The following DIP2B variants were observed in gnomAD, a reference collection of about 807,000 sequenced individuals.
DIP2B encodes the protein DIP2 acetate--CoA ligase B (putative).
In DIP2B, 76 loss-of-function variants were observed where a neutral mutation model predicts 198.0. The ratio of observed to expected loss-of-function variants is 0.38; its 90% confidence interval spans 0.32 to 0.46. The LOEUF is 0.46. Among genes scored for constraint, DIP2B ranks in the 20% least tolerant of loss-of-function variants. DIP2B has a pLI of 0.99. For synonymous variants in DIP2B, 701 were observed against 739.1 expected, an observed-to-expected ratio of 0.95 and a Z score of 0.84; for missense variants, 1,559 against 1,978.4, an observed-to-expected ratio of 0.79 and a Z score of 4.02.
intron 1 of DIP2B, among the ~76,000 whole-genome samples, chr12:50,609,635 G>C (rs1484450098): frequency 1.3e-5 from 2 of 152,190 alleles, no homozygotes; most frequent in Non-Finnish European, 2.9e-5. Flanking sequence ...TCTTTCTGTT[G>C]ATATCACATT....
At chr12:50,543,297 T>G (rs1376166974) in intron 1 of DIP2B, among the ~76,000 whole-genome samples, 1 of 151,898 alleles carries the variant, frequency 6.6e-6, no homozygotes, top group Non-Finnish European at 1.5e-5. Flanking sequence ...TTCCCCCTTT[T>G]TTATTTATTT....
chr12:50,654,667 A>C (rs1362992515), intron 3 of DIP2B, among the ~76,000 whole-genome samples: 1 of 152,178 alleles, frequency 6.6e-6, no homozygotes, highest in African/African-American at 2.4e-5. Context: ...ATATAAGGAA[A>C]ATTAAATAAA....
At chr12:50,727,618 T>A (rs776675266) in intron 28 of DIP2B, 85 bp from the exon 29 acceptor site, 4 of 1,194,786 alleles carry the variant, frequency 3.3e-6, no homozygotes, top group Non-Finnish European at 4.9e-6. Context: ...GAAGCTAAAT[T>A]TGGCCATAGC....
intron 4 of DIP2B, among the ~76,000 whole-genome samples, chr12:50,668,591 T>G (rs1009304799): frequency 2.0e-5 from 3 of 152,248 alleles, no homozygotes; most frequent in Non-Finnish European, 2.9e-5. Flanking sequence ...ATGAAAATAC[T>G]GGTTTTACTG....
chr12:50,519,407 A>AT (rs956855763), intron 1 of DIP2B, among the ~76,000 whole-genome samples: 1 of 151,862 alleles, frequency 6.6e-6, no homozygotes, highest in Non-Finnish European at 1.5e-5. Context: ...AGCCTCTTTT[A>AT]TTTTTTTTAA....
chr12:50,586,778 G>T (rs1958774965), intron 1 of DIP2B, among the ~76,000 whole-genome samples: 1 of 152,170 alleles, frequency 6.6e-6, no homozygotes, highest in South Asian at 2.1e-4. Context: ...TCACCATGTT[G>T]GCCAGGCTGG....
At chr12:50,703,349 G>C (rs1939456320) in intron 19 of DIP2B, among the ~76,000 whole-genome samples, 1 of 151,984 alleles carries the variant, frequency 6.6e-6, no homozygotes, top group Non-Finnish European at 1.5e-5. Flanking sequence ...GGAAGAACCA[G>C]ACATTCTAGT....
chr12:50,511,244 C>G (rs1400398408), intron 1 of DIP2B, among the ~76,000 whole-genome samples: 3 of 145,342 alleles, frequency 2.1e-5, no homozygotes, highest in Admixed American at 7.0e-5. Flanking sequence ...GTGCCAGGCT[C>G]AAGTACCACC....
At chr12:50,560,312 G>T (rs187692719) in intron 1 of DIP2B, among the ~76,000 whole-genome samples, 2 of 150,780 alleles carry the variant, frequency 1.3e-5, no homozygotes, top group South Asian at 2.1e-4. Context: ...GGAAAATGGC[G>T]TGAACCTGGG....
chr12:50,618,469 C>G lies in DIP2B; in HGVS notation c.101-7507C>G, dbSNP rs576375143. On this transcript the variant is annotated intron_variant, in intron 1 of 37. Transcript: ENST00000301180. ...GGGTTTGATAAACTGTGCATTCACC[C>G]TCAGTGTCTCTCTCTCCTGACGATC... Among the ~76,000 whole-genome samples, 18 of 152,350 alleles carry G rather than the reference C, an allele frequency of 1.2e-4. No individual in the cohort carries two copies. The South Asian group carries it at 3.7e-3, about 32-fold the overall frequency.
At chr12:50,717,135 G>A (rs1245109396) in intron 23 of DIP2B, among the ~76,000 whole-genome samples, 3 of 151,018 alleles carry the variant, frequency 2.0e-5, no homozygotes, top group African/African-American at 7.3e-5. Flanking sequence ...AGTAGAGATG[G>A]GGTTTTGCCA....
rs1939371343 is a variant in DIP2B, at chr12:50,699,142, CTCCAGAACTGGAGGCATGAT to C, written c.2266_2285del (p.Ser756ValfsTer13). The C allele has an allele frequency of 6.2e-7, 1 of 1,614,076 alleles. No individual in the cohort carries two copies. On this transcript the variant is annotated frameshift_variant, in exon 19 of 38. Coordinates refer to ENST00000301180, the MANE Select transcript of DIP2B (RefSeq NM_173602.3). LOFTEE classifies it high-confidence loss of function. ...ATGAAATTGGAGAAATCTGTGTTAGCTCCAGAACTGGAGGCATGATGTACTTTGGGCTTGCTGGTGTGACA... is the reference window on the plus strand; with the variant it reads ...ATGAAATTGGAGAAATCTGTGTTAGCGTACTTTGGGCTTGCTGGTGTGACA...
intron 4 of DIP2B, among the ~76,000 whole-genome samples, chr12:50,670,266 G>C (rs1053078305): frequency 1.3e-5 from 2 of 151,874 alleles, no homozygotes; most frequent in African/African-American, 4.8e-5. Flanking sequence ...TACTGATGCT[G>C]TGCCTTCTCC....
intron 1 of DIP2B, among the ~76,000 whole-genome samples, chr12:50,566,958 C>T (rs1360748672): frequency 8.0e-6 from 1 of 125,212 alleles, no homozygotes; most frequent in Non-Finnish European, 1.6e-5. Context: ...GGTGACAGAG[C>T]GAGACTCCGT....
At chr12:50,588,214 C>T (rs774879486) in intron 1 of DIP2B, among the ~76,000 whole-genome samples, 5 of 151,458 alleles carry the variant, frequency 3.3e-5, no homozygotes, top group African/African-American at 9.7e-5. Context: ...TGCAGTGGTG[C>T]GATCTTGGCT....
chr12:50,746,473 T>G lies in DIP2B; in HGVS notation c.*1634T>G, dbSNP rs971563732. ...AATGCAAAGACCAGCTCCTTTGCGG[T>G]GGCAGTGCTCTAGGGCTGCCATTAC... On this transcript the variant is annotated 3_prime_UTR_variant, in exon 38 of 38. Transcript: ENST00000301180. 1.3e-5 allele frequency: 2 copies of G among 152,212 alleles called. No homozygotes were observed. Among genetic ancestry groups the G allele is most frequent in the African/African-American group, 2.4e-5 (1 of 41,462 alleles). 9.4% of individuals were successfully genotyped at this position (152,212 alleles called of 1,614,324 possible).
chr12:50,514,253 C>T (rs946414456), intron 1 of DIP2B, among the ~76,000 whole-genome samples: 3 of 151,880 alleles, frequency 2.0e-5, no homozygotes, highest in South Asian at 2.1e-4. Flanking sequence ...TTAGTAGAGA[C>T]GGGGTTTCTC....
chr12:50,695,978 C>G lies in DIP2B; in HGVS notation c.1933+11C>G, dbSNP rs759617002. 30 of 1,613,846 alleles carry G rather than the reference C, an allele frequency of 1.9e-5. No homozygotes were observed. Among genetic ancestry groups the G allele is most frequent in the Middle Eastern group, 1.7e-4 (1 of 6,060 alleles). ...ATGGAGCTAACCCCTGTGAGTATTT[C>G]TTCATTGTGGATCTGGGAATATCCT... On this transcript the variant is annotated intron_variant, in intron 16 of 37. Coordinates refer to ENST00000301180, the MANE Select transcript of DIP2B (RefSeq NM_173602.3).
chr12:50,695,043 A>G (rs1939286749), intron 14 of DIP2B, among the ~76,000 whole-genome samples: 2 of 152,326 alleles, frequency 1.3e-5, no homozygotes, highest in South Asian at 4.1e-4. Flanking sequence ...GATATCTGTC[A>G]AATTTGTAAC....
Sources: gnomAD v4.1 joint callset for allele counts (sites outside exome capture counted in the v4.1 genomes callset) on GRCh38, gnomAD v4.1.1 for gene constraint, MANE v1.5 for transcripts, NCBI Gene and HGNC (gene_info 2026-07-23, HGNC 2026-07-21) for gene names.